The following ZEB1 variants were observed in gnomAD, a reference collection of about 807,000 sequenced individuals.
ZEB1 encodes zinc finger E-box binding homeobox 1, also known as zinc finger E-box-binding homeobox 1.
A neutral mutation model predicts 84.9 loss-of-function variants in ZEB1; 21 were observed. The observed-to-expected ratio is 0.25, with a 90% CI of 0.18 to 0.36. ZEB1 has a LOEUF of 0.36. Among genes scored for constraint, ZEB1 ranks in the 10% least tolerant of loss-of-function variants. The pLI, the probability that ZEB1 is intolerant of heterozygous loss-of-function variation, is 1.00. For synonymous variants in ZEB1, 420 were observed against 471.1 expected (o/e 0.89, Z 1.41); for missense variants, 1,104 against 1,330.2 (o/e 0.83, Z 2.65).
intron 1 of ZEB1, among the ~76,000 whole-genome samples, chr10:31,332,415 C>T: frequency 6.6e-6 from 1 of 152,138 alleles, no homozygotes; most frequent in East Asian, 1.9e-4. Context: ...AATTATGGCT[C>T]TCCAAAGACA....
chr10:31,468,547 A>G (rs1344950849), intron 2 of ZEB1, among the ~76,000 whole-genome samples: 8 of 152,206 alleles, frequency 5.3e-5, no homozygotes, highest in Non-Finnish European at 1.2e-4. Context: ...TTCCCCCAAA[A>G]GACCTCCAAC....
chr10:31,409,810 T>C (rs1183445426), intron 1 of ZEB1, among the ~76,000 whole-genome samples: 1 of 152,194 alleles, frequency 6.6e-6, no homozygotes, highest in East Asian at 1.9e-4. Flanking sequence ...TGGCTCTGTT[T>C]GTTTATTATT....
intron 3 of ZEB1, among the ~76,000 whole-genome samples, chr10:31,500,960 G>C (rs117446688): frequency 6.2e-4 from 95 of 152,214 alleles, no homozygotes; most frequent in Non-Finnish European, 1.3e-3. Context: ...GAAAAGTGGG[G>C]AAAAAAATTA....
intron 1 of ZEB1, among the ~76,000 whole-genome samples, chr10:31,347,967 G>C (rs1251896654): frequency 6.6e-6 from 1 of 152,168 alleles, no homozygotes; most frequent in African/African-American, 2.4e-5. Flanking sequence ...GCAACAGATG[G>C]TGTCTGGAAA....
intron 4 of ZEB1, among the ~76,000 whole-genome samples, chr10:31,503,660 G>A (rs1433535869): frequency 6.6e-6 from 1 of 151,556 alleles, no homozygotes; most frequent in East Asian, 1.9e-4. Flanking sequence ...TTTTCACAGT[G>A]GCTGTCCTAA....
chr10:31,355,534 A>G (rs958879596), intron 1 of ZEB1, among the ~76,000 whole-genome samples: 3 of 152,188 alleles, frequency 2.0e-5, no homozygotes, highest in Non-Finnish European at 2.9e-5. Flanking sequence ...AGGAAAGAAT[A>G]TAACAGGCGG....
intron 1 of ZEB1, among the ~76,000 whole-genome samples, chr10:31,435,084 T>C (rs1306347284): frequency 6.6e-6 from 1 of 152,224 alleles, no homozygotes; most frequent in Non-Finnish European, 1.5e-5. Context: ...CTTCGGGTTA[T>C]GTGGCTAGGC....
rs150279725 is a variant in ZEB1 at position 31,527,197 on chromosome 10, G to A, written c.3311G>A (p.Ser1104Asn). Residue 1104 changes from serine (S) to asparagine (N), a missense_variant, in exon 9 of 9, where the codon AGC (serine) becomes AAC (asparagine). By Grantham distance (46) the Ser-to-Asn change is conservative. This residue lies in a region of ZEB1 where 173 missense variants were observed against 167.0 expected (regional missense o/e 1.04). Coordinates refer to ENST00000424869, the MANE Select transcript of ZEB1 (RefSeq NM_001174096.2). ...GATGACAGGGCTGAAAGTCAAGCAA[G>A]CAGCTTAGGACAAAAAGTAGGCGAG... ...MKDDRAESQA[S>N]SLGQKVGESS... The A allele has an allele frequency of 1.2e-6, 2 of 1,611,614 alleles. No individual in the cohort carries two copies. The highest frequency in any genetic ancestry group is 2.7e-5 in the African/African-American group (2 of 74,790).
intron 1 of ZEB1, among the ~76,000 whole-genome samples, chr10:31,404,863 C>T (rs980523116): frequency 2.6e-4 from 39 of 152,084 alleles, no homozygotes; most frequent in Admixed American, 2.6e-3. Context: ...GGAGACTGGA[C>T]TGGGTGATGG....
intron 1 of ZEB1, among the ~76,000 whole-genome samples, chr10:31,420,100 C>CT (rs1181013010): frequency 6.6e-6 from 1 of 152,138 alleles, no homozygotes; most frequent in Non-Finnish European, 1.5e-5. Context: ...TACAGCCACT[C>CT]TTAAGTCCTA....
chr10:31,462,414 G>T (rs570483628), intron 2 of ZEB1, among the ~76,000 whole-genome samples: 7 of 152,294 alleles, frequency 4.6e-5, no homozygotes, highest in Admixed American at 4.6e-4. Flanking sequence ...AGATAAATAA[G>T]TCACAAATAC....
At chr10:31,384,043 A>G (rs2048189866) in intron 1 of ZEB1, among the ~76,000 whole-genome samples, 1 of 132,046 alleles carries the variant, frequency 7.6e-6, no homozygotes, top group African/African-American at 2.9e-5. Context: ...GTGTGATTTC[A>G]GCTCACTGCA....
chr10:31,515,283 C>T (rs1211592744), intron 6 of ZEB1, among the ~76,000 whole-genome samples: 2 of 151,902 alleles, frequency 1.3e-5, no homozygotes, highest in African/African-American at 2.4e-5. Flanking sequence ...TACTATTATG[C>T]GATGAAAGTG....
chr10:31,341,666 A>G (rs555966192), intron 1 of ZEB1, among the ~76,000 whole-genome samples: 5 of 152,154 alleles, frequency 3.3e-5, no homozygotes, highest in Non-Finnish European at 7.4e-5. Context: ...CATCAAGGGA[A>G]GGTGTGTGGG....
At chr10:31,336,986 C>T (rs2133430591) in intron 1 of ZEB1, among the ~76,000 whole-genome samples, 1 of 152,210 alleles carries the variant, frequency 6.6e-6, no homozygotes, top group East Asian at 1.9e-4. Context: ...AATCTCTATA[C>T]AGACATACCA....
intron 3 of ZEB1, among the ~76,000 whole-genome samples, chr10:31,501,331 C>T (rs757493814): frequency 4.6e-5 from 7 of 152,152 alleles, no homozygotes; most frequent in African/African-American, 1.2e-4. Flanking sequence ...CTTGGCAGCA[C>T]GCTGGGCTAC....
In ZEB1 at chr10:31,528,331, GTTGA is replaced by G. The variant is rs1403985388; in HGVS notation, c.*1074_*1077del. On this transcript the variant is annotated 3_prime_UTR_variant, in exon 9 of 9. Transcript: ENST00000424869. ...TTCAATTCCTCGGTATTGATTTTAT[GTTGA>G]TTGATTTTCAGAATTTCTCTACAGA... 6.6e-6 allele frequency: 1 copy of G among 152,162 alleles called. No homozygotes were observed. Among genetic ancestry groups the G allele is most frequent in the Admixed American group, 6.5e-5 (1 of 15,280 alleles). The allele number at this position is 152,162 out of a possible 1,614,324, so 9.4% of individuals were successfully genotyped here.
At chr10:31,355,859 G>A (rs201110931) in intron 1 of ZEB1, among the ~76,000 whole-genome samples, 1 of 152,070 alleles carries the variant, frequency 6.6e-6, no homozygotes, top group East Asian at 1.9e-4. Context: ...ACCATGGAAA[G>A]GTTTTAAGCA....
intron 1 of ZEB1, among the ~76,000 whole-genome samples, chr10:31,407,764 A>G (rs1192632542): frequency 6.6e-6 from 1 of 151,696 alleles, no homozygotes; most frequent in East Asian, 1.9e-4. Context: ...AGAGCTATCT[A>G]TGACAAACCC....
Sources: gnomAD v4.1 joint callset for allele counts (sites outside exome capture counted in the v4.1 genomes callset) on GRCh38, gnomAD v4.1.1 for gene constraint, gnomAD v4.1.1 regional missense constraint, MANE v1.5 for transcripts, NCBI Gene and HGNC (gene_info 2026-07-23, HGNC 2026-07-21) for gene names.